Variants in CCDC51 observed in about 807,000 individuals in gnomAD.
The protein encoded by CCDC51 is mitochondrial potassium channel.
In CCDC51, 25 loss-of-function variants were observed where a neutral mutation model predicts 24.8. That is an observed-to-expected ratio of 1.01 (90% confidence interval 0.73 to 1.41). The LOEUF (loss-of-function observed/expected upper bound fraction) is 1.41, where lower values mean the gene tolerates loss of function less well. CCDC51 is among the 40% of genes most tolerant of loss of function. The probability of loss-of-function intolerance (pLI) is 0.00; values close to 1 mark genes in which losing one functional copy is unlikely to be tolerated. For missense variants in CCDC51, 466 were observed against 519.1 expected, an observed-to-expected ratio of 0.90 and a Z score of 0.99; for synonymous variants, 190 against 204.3, an observed-to-expected ratio of 0.93 and a Z score of 0.60.
At chr3:48,440,247 C>T, upstream of CCDC51, 2 of 1,568,340 alleles carry the variant, frequency 1.3e-6, no homozygotes, top group South Asian at 1.2e-5. Flanking sequence ...AAGGGTGGGG[C>T]AGACGCTCCG....
In CCDC51 at chr3:48,434,964, C is replaced by T. The variant is rs2039305466; in HGVS notation, c.165G>A (p.Gly55=). 1.2e-6 allele frequency: 2 copies of T among 1,614,104 alleles called. No homozygotes were observed. Among genetic ancestry groups the T allele is most frequent in the African/African-American group, 2.7e-5 (2 of 74,958 alleles). The change falls in exon 2 of 4, where the codon GGG becomes GGA. Residue 55 remains glycine (G), a synonymous_variant. Coordinates refer to ENST00000395694, the MANE Select transcript of CCDC51 (RefSeq NM_001256964.2). The stretch of plus-strand genomic sequence containing the variant: ...CCAGTGCTGGGAGGCGGTGGTGCAG[C>T]CCCAGGGCCACCTCCTCAGGTCTTT... ...GEKRPEEVAL[G]LHHRLPALGR... is the part of the protein sequence containing the mutation.
upstream of CCDC51, among the ~76,000 whole-genome samples, chr3:48,442,408 C>T (rs1263868958): frequency 2.0e-5 from 3 of 151,126 alleles, no homozygotes; most frequent in Non-Finnish European, 2.9e-5. Context: ...TTTGTCAGGC[C>T]CCTTTGGATC....
upstream of CCDC51, chr3:48,444,156 G>A: frequency 9.4e-6 from 3 of 317,632 alleles, no homozygotes; most frequent in African/African-American, 2.1e-5. Flanking sequence ...TTTGGTCCTT[G>A]TTCTACCCTA....
chr3:48,444,812 C>T (rs2039636668), upstream of CCDC51, among the ~76,000 whole-genome samples: 1 of 152,162 alleles, frequency 6.6e-6, no homozygotes, highest in African/African-American at 2.4e-5. Context: ...CCAAACAGGT[C>T]CAGGGCAGCA....
At position 48,433,885 on chromosome 3, in the gene CCDC51, A is replaced by G. The variant is rs1176280205; in HGVS notation, c.313-14T>C. ...CACTTTCTCAGCCTGCAAAGAGAAAACCGGAGGCCATCTGCACCTTCTCTC... is the reference window on the plus strand; with the variant it reads ...CACTTTCTCAGCCTGCAAAGAGAAAGCCGGAGGCCATCTGCACCTTCTCTC... On this transcript the variant is annotated splice_polypyrimidine_tract_variant and intron_variant, in intron 2 of 3. Transcript: ENST00000395694. This position sits in a 1 kb window ranked among gnomAD's most constrained non-coding sequence, Gnocchi z 4.4. 6.2e-7 allele frequency: 1 copy of G among 1,610,206 alleles called. No homozygotes were observed. Among genetic ancestry groups the G allele is most frequent in the African/African-American group, 1.3e-5 (1 of 74,836 alleles).
At chr3:48,440,470 C>CGCGGAGGCACTGGCGGGT (rs774545989), upstream of CCDC51, 12 of 1,611,386 alleles carry the variant, frequency 7.4e-6, no homozygotes, top group Non-Finnish European at 1.0e-5. Context: ...TGAGGGCGGG[C>CGCGGAGGCACTGGCGGGT]GCGGAGGCAC....
At chr3:48,436,239 G>A (rs1342803386) in intron 1 of CCDC51, among the ~76,000 whole-genome samples, 1 of 152,182 alleles carries the variant, frequency 6.6e-6, no homozygotes, top group Non-Finnish European at 1.5e-5. Flanking sequence ...AGAGGGAGCT[G>A]CAGACAGGAA....
At chr3:48,446,645 G>C in the CCDC51 span, 1 of 531,926 alleles carries the variant, frequency 1.9e-6, no homozygotes, top group Non-Finnish European at 2.9e-6. Context: ...TAAACACCGG[G>C]CGGGGCCGGG....
upstream of CCDC51, among the ~76,000 whole-genome samples, chr3:48,442,033 C>T (rs2039581121): frequency 3.5e-5 from 1 of 28,652 alleles, no homozygotes; most frequent in Admixed American, 5.4e-4. Context: ...TAGGAGTTCA[C>T]AGCATCAAAG....
chr3:48,444,600 A>G (rs1358796316), upstream of CCDC51, among the ~76,000 whole-genome samples: 1 of 152,198 alleles, frequency 6.6e-6, no homozygotes, highest in Non-Finnish European at 1.5e-5. Flanking sequence ...AAGAAAACCC[A>G]TCTTTATGTT....
rs1207886908 is a variant in CCDC51, at chr3:48,440,046, C to G, written c.-67G>C. On this transcript the variant is annotated 5_prime_UTR_variant, in exon 1 of 4. Coordinates refer to ENST00000395694, the MANE Select transcript of CCDC51 (RefSeq NM_001256964.2). ...TGGTAGGCCGTCCGGTTAAGTACCC[C>G]TCCTACGGTTCCGATTCTACCCTGG... The G allele has an allele frequency of 1.6e-6, 1 of 607,880 alleles. No individual in the cohort carries two copies. The highest frequency in any genetic ancestry group is 2.8e-6 in the Non-Finnish European group (1 of 361,254). The allele number at this position is 607,880 out of a possible 1,614,324, so 37.7% of individuals were successfully genotyped here.
chr3:48,438,858 A>G (rs1321482124), intron 1 of CCDC51, among the ~76,000 whole-genome samples: 1 of 152,176 alleles, frequency 6.6e-6, no homozygotes, highest in East Asian at 1.9e-4. Context: ...TGTCTTTTCC[A>G]TGGCCTACAG....
At chr3:48,436,132 T>G (rs1035650725) in intron 1 of CCDC51, among the ~76,000 whole-genome samples, 1 of 152,052 alleles carries the variant, frequency 6.6e-6, no homozygotes, top group Non-Finnish European at 1.5e-5. Flanking sequence ...AACAGCACCC[T>G]CCTCTGGCCA....
intron 2 of CCDC51, 200 bp from the exon 3 acceptor site, chr3:48,434,071 G>T: frequency 8.3e-7 from 1 of 1,210,088 alleles, no homozygotes; most frequent in Non-Finnish European, 1.1e-6. Flanking sequence ...TCAGAATCAC[G>T]AGATTTAGCC....
At chr3:48,441,499 T>TTC (rs1491435660), upstream of CCDC51, among the ~76,000 whole-genome samples, 46 of 151,248 alleles carry the variant, frequency 3.0e-4, no homozygotes, top group African/African-American at 1.1e-3. Context: ...TTTTTTTTTT[T>TTC]CGTACTGCTT....
chr3:48,436,436 G>A (rs891781534), intron 1 of CCDC51, among the ~76,000 whole-genome samples: 9 of 152,158 alleles, frequency 5.9e-5, no homozygotes, highest in Admixed American at 4.6e-4. Context: ...GGGCAAAGTG[G>A]GCCTGAGCTG....
chr3:48,440,595 C>G (rs749451817), upstream of CCDC51: 8 of 1,611,710 alleles, frequency 5.0e-6, no homozygotes, highest in South Asian at 3.3e-5. Context: ...ACTCGAGGAG[C>G]TAAAAGCGAA....
upstream of CCDC51, among the ~76,000 whole-genome samples, chr3:48,443,501 T>A (rs1304522125): frequency 6.6e-6 from 1 of 150,516 alleles, no homozygotes; most frequent in African/African-American, 2.5e-5. Context: ...GCCACTGCAC[T>A]GCAGCCTGGG....
chr3:48,445,363 T>C (rs1434520226), upstream of CCDC51, among the ~76,000 whole-genome samples: 1 of 152,148 alleles, frequency 6.6e-6, no homozygotes, highest in African/African-American at 2.4e-5. Flanking sequence ...GTACTAGATA[T>C]TAACGCGGGA....
Sources: gnomAD v4.1 joint callset for allele counts (sites outside exome capture counted in the v4.1 genomes callset) on GRCh38, gnomAD v4.1.1 for gene constraint, Gnocchi (gnomAD v3.1) non-coding constraint, MANE v1.5 for transcripts, NCBI Gene and HGNC (gene_info 2026-07-23, HGNC 2026-07-21) for gene names.